NUP155: variants seen among roughly 807,000 people sequenced by gnomAD.
The protein encoded by NUP155 is nuclear pore complex protein Nup155.
Under a neutral mutation model 180.4 loss-of-function variants are expected in NUP155, and 71 were observed. The observed-to-expected ratio is 0.39, with a 90% CI of 0.33 to 0.48. The LOEUF is 0.48. NUP155 is among the 20% of genes least tolerant of loss of function. NUP155 has a pLI of 0.91. For missense variants in NUP155, 1,553 were observed against 1,648.9 expected, an observed-to-expected ratio of 0.94 and a Z score of 1.01; for synonymous variants, 582 against 559.5, an observed-to-expected ratio of 1.04 and a Z score of -0.57.
intron 14 of NUP155, among the ~76,000 whole-genome samples, chr5:37,331,183 A>T (rs376922762): frequency 1.3e-5 from 2 of 152,196 alleles, no homozygotes; most frequent in African/African-American, 2.4e-5. Context: ...AACAGAGAAT[A>T]AAAATCTGAA....
chr5:37,303,353 A>G lies in NUP155; in HGVS notation c.3224T>C (p.Val1075Ala), dbSNP rs753078146. ...CCGCCAGAGTAAATCCATATAACGA[A>G]CTCTGTTTTGATCAACTTTGGCCAT... ...VRMAKVDQNR[V>A]RYMDLLWRYY... Residue 1075 changes from valine (V) to alanine (A), a missense_variant, in exon 28 of 35, where the codon GTT becomes GCT. Val to Ala is a moderately conservative substitution (Grantham distance 64). Transcript: ENST00000231498. The G allele has an allele frequency of 1.2e-6, 2 of 1,614,030 alleles. No homozygotes were observed. The highest frequency in any genetic ancestry group is 1.7e-6 in the Non-Finnish European group (2 of 1,179,970).
At chr5:37,327,232 C>A in intron 18 of NUP155, 1 of 269,832 alleles carries the variant, frequency 3.7e-6, no homozygotes, top group Non-Finnish European at 7.2e-6. Context: ...AAAAAGAAAA[C>A]ACAAAAAACA....
chr5:37,314,442 T>G, intron 21 of NUP155, 114 bp from the exon 22 acceptor site: 1 of 737,400 alleles, frequency 1.4e-6, no homozygotes, highest in Non-Finnish European at 2.3e-6. Flanking sequence ...TAGCCCCCAT[T>G]ACAGGCAACC....
intron 22 of NUP155, among the ~76,000 whole-genome samples, chr5:37,311,298 A>G (rs1052020287): frequency 6.6e-6 from 1 of 152,222 alleles, no homozygotes; most frequent in Non-Finnish European, 1.5e-5. Context: ...ACAAATCTTT[A>G]ATTTGCATTC....
rs377650166 is a variant in NUP155, at chr5:37,303,432, A to T, written c.3163-18T>A. On this transcript the variant is annotated intron_variant, in intron 27 of 34. Transcript: ENST00000231498. Reference sequence around the variant, plus strand: ...GAAGCAACCTAGAAATTATATAGTTATTCAGAAAAATTTTCTAACCACCTA... The same window carrying T: ...GAAGCAACCTAGAAATTATATAGTTTTTCAGAAAAATTTTCTAACCACCTA... 11 of 1,610,680 alleles carry T rather than the reference A, an allele frequency of 6.8e-6. No homozygotes were observed. The African/African-American group carries it at 8.0e-5, about 12-fold the overall frequency.
At position 37,341,145 on chromosome 5, in the gene NUP155, T is replaced by G; in HGVS notation, c.1191A>C (p.Ser397=). ...LVHVRLPPGF[S]ASSTVEKPSK... ...AAGGCTTTTCCACGGTTGAAGATGC[T>G]GAGAATCCAGGAGGTAAGCGGACAT... Residue 397 remains serine, a synonymous_variant, in exon 11 of 35, where the codon TCA becomes TCC. Transcript: ENST00000231498. 1 of 1,613,988 alleles carries G rather than the reference T, an allele frequency of 6.2e-7. No homozygotes were observed. Among genetic ancestry groups the G allele is most frequent in the African/African-American group, 1.3e-5 (1 of 75,058 alleles).
chr5:37,358,252 G>A, intron 3 of NUP155, 101 bp from the exon 4 acceptor site: 1 of 823,956 alleles, frequency 1.2e-6, no homozygotes, highest in Non-Finnish European at 2.1e-6. Flanking sequence ...TCTGAGGCAG[G>A]AGGACTGCCT....
intron 10 of NUP155, 48 bp from the exon 11 acceptor site, chr5:37,341,290 G>A (rs781527919): frequency 4.0e-6 from 6 of 1,518,832 alleles, no homozygotes; most frequent in Non-Finnish European, 5.5e-6. Context: ...ACAAGGACCT[G>A]AGGTAAATGT....
chr5:37,307,232 A>G, intron 25 of NUP155, 65 bp downstream of exon 25: 1 of 1,538,978 alleles, frequency 6.5e-7, no homozygotes, highest in East Asian at 2.2e-5. Flanking sequence ...AAAAAACAAA[A>G]AACATTATGC....
At chr5:37,330,680 A>C (rs1470418998) in intron 14 of NUP155, among the ~76,000 whole-genome samples, 1 of 152,016 alleles carries the variant, frequency 6.6e-6, no homozygotes, top group African/African-American at 2.4e-5. Flanking sequence ...CTGAAATACT[A>C]AGATCTCTAC....
chr5:37,292,010 C>G lies in NUP155; in HGVS notation c.4066G>C (p.Ala1356Pro). ...RRRFTNLCLDAVCGYLVELQS... is the reference protein window; with the variant it reads ...RRRFTNLCLDPVCGYLVELQS... Reference sequence around the variant, plus strand: ...AGCTCAACAAGGTAACCACAAACAGCATCCAGGCAGAGATTTGTAAATCTT... The same window carrying G: ...AGCTCAACAAGGTAACCACAAACAGGATCCAGGCAGAGATTTGTAAATCTT... The change falls in exon 35 of 35, where the codon GCT becomes CCT. Residue 1356 changes from alanine to proline, a missense_variant. Coordinates refer to ENST00000231498, the MANE Select transcript of NUP155 (RefSeq NM_153485.3). 1 of 1,614,106 alleles carries G rather than the reference C, an allele frequency of 6.2e-7. No homozygotes were observed. Among genetic ancestry groups the G allele is most frequent in the Middle Eastern group, 1.6e-4 (1 of 6,062 alleles).
chr5:37,325,598 A>G (rs1005420666), intron 19 of NUP155, among the ~76,000 whole-genome samples: 1 of 151,312 alleles, frequency 6.6e-6, no homozygotes. Flanking sequence ...GTGAAACCCT[A>G]TCTCTACAAA....
intron 30 of NUP155, among the ~76,000 whole-genome samples, chr5:37,300,576 G>C (rs1742807514): frequency 6.6e-6 from 1 of 152,178 alleles, no homozygotes; most frequent in South Asian, 2.1e-4. Flanking sequence ...GAGAGAGAAA[G>C]AGGTTTAGAG....
intron 30 of NUP155, 114 bp from the exon 31 acceptor site, chr5:37,299,682 G>T: frequency 2.8e-6 from 3 of 1,082,120 alleles, no homozygotes; most frequent in Non-Finnish European, 4.1e-6. Context: ...TAAAGTTTCT[G>T]AAATATGATA....
rs1345659035 is a variant in NUP155, at chr5:37,288,516, C to T, written c.*3384G>A. On this transcript the variant is annotated 3_prime_UTR_variant, in exon 35 of 35. Transcript: ENST00000231498. ...TCTAGTTAAAATACAAATTTCACAA[C>T]TTCAATGATTCTTCACTGCCCACAA... is the stretch of plus-strand genomic sequence containing the variant. 1 of 152,096 alleles carries T rather than the reference C, an allele frequency of 6.6e-6. No individual in the cohort carries two copies. Among genetic ancestry groups the T allele is most frequent in the Non-Finnish European group, 1.5e-5 (1 of 68,024 alleles). 9.4% of individuals were successfully genotyped at this position (152,096 alleles called of 1,614,324 possible).
chr5:37,321,610 G>A lies in NUP155; in HGVS notation c.2207+2382C>T, dbSNP rs1038164892. Reference sequence around the variant, plus strand: ...CACATGCATGTAATCCCAGCTACTCGGGAGGCTGAGGCAGAAGAACTGCTT... The same window carrying A: ...CACATGCATGTAATCCCAGCTACTCAGGAGGCTGAGGCAGAAGAACTGCTT... On this transcript the variant is annotated intron_variant, in intron 20 of 34. Coordinates refer to ENST00000231498, the MANE Select transcript of NUP155 (RefSeq NM_153485.3). 6.6e-5 allele frequency among the ~76,000 whole-genome samples: 10 copies of A among 151,696 alleles called. No individual in the cohort carries two copies. The South Asian group carries it at 8.3e-4, about 13-fold the overall frequency.
chr5:37,343,274 C>T (rs1745859295), intron 9 of NUP155, among the ~76,000 whole-genome samples: 1 of 151,926 alleles, frequency 6.6e-6, no homozygotes, highest in Admixed American at 6.6e-5. Flanking sequence ...CGGGGTTTCA[C>T]TATGTTAGCC....
At chr5:37,301,633 CTT>C (rs1742869022) in intron 29 of NUP155, 83 bp from the exon 30 acceptor site, 1 of 862,328 alleles carries the variant, frequency 1.2e-6, no homozygotes, top group Admixed American at 1.7e-5. Flanking sequence ...TACTATCTGA[CTT>C]TAAGTTTGCT....
At chr5:37,349,142 T>C (rs1478413561) in intron 8 of NUP155, 30 bp downstream of exon 8, 1 of 513,732 alleles carries the variant, frequency 1.9e-6, no homozygotes, top group Non-Finnish European at 3.4e-6. Flanking sequence ...TTTATTTGAC[T>C]CTTAATGGTA....
Sources: allele counts gnomAD v4.1 joint callset (sites outside exome capture counted in the v4.1 genomes callset), GRCh38; gene constraint gnomAD v4.1.1; transcripts MANE v1.5; gene names NCBI Gene and HGNC (gene_info 2026-07-23, HGNC 2026-07-21).